GPC5: variants seen among roughly 807,000 people sequenced by gnomAD.
GPC5 encodes glypican 5.
Under a neutral mutation model 53.9 loss-of-function variants are expected in GPC5, and 47 were observed. The ratio of observed to expected loss-of-function variants is 0.87; its 90% CI spans 0.69 to 1.11. The LOEUF (loss-of-function observed/expected upper bound fraction) is 1.11. Among genes scored for constraint, GPC5 ranks in the 50% most tolerant of loss-of-function variants. GPC5 has a pLI of 0.00. For missense variants in GPC5, 748 were observed against 713.1 expected (o/e 1.05, Z -0.56); for synonymous variants, 286 against 263.3 (o/e 1.09, Z -0.84).
chr13:91,964,371 A>G (rs2040160523), intron 6 of GPC5, among the ~76,000 whole-genome samples: 1 of 152,088 alleles, frequency 6.6e-6, no homozygotes. Context: ...TGATTGGTCC[A>G]TTTTACAGGG....
intron 7 of GPC5, chr13:92,701,573 T>TATCA (rs1158126076): frequency 6.6e-6 from 1 of 152,116 alleles, no homozygotes; most frequent in Non-Finnish European, 1.5e-5. Context: ...TGCAGGAGTG[T>TATCA]ATCAATCCAG....
intron 7 of GPC5, among the ~76,000 whole-genome samples, chr13:92,231,078 A>C (rs2042526608): frequency 6.6e-6 from 1 of 152,140 alleles, no homozygotes; most frequent in Admixed American, 6.5e-5. Flanking sequence ...CATCCTGTCA[A>C]ATATCAGCTT....
intron 2 of GPC5, among the ~76,000 whole-genome samples, chr13:91,535,217 T>C (rs1383294623): frequency 6.6e-6 from 1 of 152,324 alleles, no homozygotes; most frequent in East Asian, 1.9e-4. Flanking sequence ...TAGGGCTCAG[T>C]TAAGACATCA....
At chr13:92,579,938 G>A (rs759727514) in intron 7 of GPC5, among the ~76,000 whole-genome samples, 2 of 152,004 alleles carry the variant, frequency 1.3e-5, no homozygotes, top group Non-Finnish European at 1.5e-5. Context: ...TTTTGTAAAA[G>A]CATTGAATAT....
chr13:92,718,250 A>G (rs895474165), intron 7 of GPC5, among the ~76,000 whole-genome samples: 1 of 152,050 alleles, frequency 6.6e-6, no homozygotes, highest in Non-Finnish European at 1.5e-5. Context: ...GATCTGTACT[A>G]CCATGTTTAG....
At chr13:91,873,394 T>C (rs1281145715) in intron 5 of GPC5, among the ~76,000 whole-genome samples, 1 of 152,142 alleles carries the variant, frequency 6.6e-6, no homozygotes, top group Non-Finnish European at 1.5e-5. Flanking sequence ...AAATCTCATC[T>C]TGAATTGTAA....
chr13:91,453,731 C>G (rs1881347000), intron 2 of GPC5, among the ~76,000 whole-genome samples: 1 of 151,572 alleles, frequency 6.6e-6, no homozygotes, highest in Non-Finnish European at 1.5e-5. Flanking sequence ...ATGAATGGTA[C>G]TTAGCAAGAA....
intron 6 of GPC5, among the ~76,000 whole-genome samples, chr13:91,981,595 G>A (rs2138717456): frequency 6.6e-6 from 1 of 152,206 alleles, no homozygotes; most frequent in South Asian, 2.1e-4. Context: ...GACCGTAAGA[G>A]TTCTTATCTT....
At chr13:92,550,591 T>C (rs949054994) in intron 7 of GPC5, among the ~76,000 whole-genome samples, 1 of 151,782 alleles carries the variant, frequency 6.6e-6, no homozygotes, top group Non-Finnish European at 1.5e-5. Flanking sequence ...GTATTATCTA[T>C]ATAAGACCTG....
At chr13:92,638,779 G>C (rs751492127) in intron 7 of GPC5, among the ~76,000 whole-genome samples, 1 of 152,170 alleles carries the variant, frequency 6.6e-6, no homozygotes, top group Non-Finnish European at 1.5e-5. Context: ...CAGAGTACTC[G>C]TCAACTCAGG....
chr13:92,423,707 A>G (rs1350666951), intron 7 of GPC5, among the ~76,000 whole-genome samples: 1 of 152,158 alleles, frequency 6.6e-6, no homozygotes, highest in East Asian at 1.9e-4. Flanking sequence ...TAGCAACTTC[A>G]CTTTGAAAAT....
At chr13:91,604,483 G>A (rs2033291117) in intron 2 of GPC5, among the ~76,000 whole-genome samples, 2 of 150,164 alleles carry the variant, frequency 1.3e-5, no homozygotes, top group Admixed American at 1.3e-4. Flanking sequence ...TGGGATGGCT[G>A]GGTCAAATGG....
chr13:92,785,947 C>T (rs146602478), intron 7 of GPC5, among the ~76,000 whole-genome samples: 108 of 152,254 alleles, frequency 7.1e-4, no homozygotes, highest in Non-Finnish European at 1.3e-3. Flanking sequence ...AGAAGTTACA[C>T]GTAAATATTA....
chr13:91,569,157 A>G (rs7982052), intron 2 of GPC5, among the ~76,000 whole-genome samples: 20,898 of 152,188 alleles, frequency 0.14, 1,703 homozygotes, highest in African/African-American at 0.24. Flanking sequence ...GAGGCAAGAT[A>G]GAAAGAAATT....
chr13:91,892,849 A>G (rs975544510), intron 5 of GPC5, among the ~76,000 whole-genome samples: 4 of 151,970 alleles, frequency 2.6e-5, no homozygotes, highest in Non-Finnish European at 5.9e-5. Flanking sequence ...AAGATTTTAA[A>G]TTAAACAAAA....
intron 5 of GPC5, among the ~76,000 whole-genome samples, chr13:91,890,923 A>G (rs2039378346): frequency 2.0e-5 from 3 of 152,124 alleles, no homozygotes; most frequent in African/African-American, 7.2e-5. Context: ...TCAATTTCTT[A>G]TCCTAGTTTG....
At chr13:92,824,086 C>CTGATGT (rs1289013780) in intron 7 of GPC5, among the ~76,000 whole-genome samples, 3 of 152,026 alleles carry the variant, frequency 2.0e-5, no homozygotes, top group Non-Finnish European at 4.4e-5. Flanking sequence ...ATTCTTCTTC[C>CTGATGT]TGATGTTGAA....
intron 7 of GPC5, among the ~76,000 whole-genome samples, chr13:92,675,099 A>C (rs1340259238): frequency 6.6e-6 from 1 of 152,150 alleles, no homozygotes; most frequent in Non-Finnish European, 1.5e-5. Context: ...TACTAGTACA[A>C]AATATTGATG....
intron 6 of GPC5, among the ~76,000 whole-genome samples, chr13:92,044,638 C>A (rs911717477): frequency 6.6e-6 from 1 of 152,192 alleles, no homozygotes; most frequent in Non-Finnish European, 1.5e-5. Flanking sequence ...CTGTCTGGCT[C>A]TGGCATGCCA....
Sources: gnomAD v4.1 joint callset for allele counts (sites outside exome capture counted in the v4.1 genomes callset) on GRCh38, gnomAD v4.1.1 for gene constraint, MANE v1.5 for transcripts, NCBI Gene and HGNC (gene_info 2026-07-23, HGNC 2026-07-21) for gene names.